The following ANKIB1 variants were observed in gnomAD, a reference collection of about 807,000 sequenced individuals.
ANKIB1 encodes ankyrin repeat and IBR domain containing 1.
Under a neutral mutation model 122.1 loss-of-function variants are expected in ANKIB1, and 43 were observed. That is an observed-to-expected ratio of 0.35 (90% CI 0.28 to 0.45). The LOEUF is 0.45. Among genes scored for constraint, ANKIB1 ranks in the 20% least tolerant of loss-of-function variants. The probability of loss-of-function intolerance (pLI) is 1.00; values close to 1 mark genes in which losing one functional copy is unlikely to be tolerated. For synonymous variants in ANKIB1, 390 were observed against 442.0 expected (o/e 0.88, Z 1.48); for missense variants, 992 against 1,329.5 (o/e 0.75, Z 3.95).
intron 3 of ANKIB1, among the ~76,000 whole-genome samples, chr7:92,312,118 T>A (rs1269551939): frequency 6.6e-6 from 1 of 152,100 alleles, no homozygotes; most frequent in African/African-American, 2.4e-5. Flanking sequence ...CATGGCAGAG[T>A]AGACCTCTGT....
chr7:92,281,150 A>G (rs950924520), intron 1 of ANKIB1, among the ~76,000 whole-genome samples: 3 of 152,240 alleles, frequency 2.0e-5, no homozygotes, highest in African/African-American at 4.8e-5. Context: ...TGTAATTTAC[A>G]TAATTTATCC....
intron 1 of ANKIB1, among the ~76,000 whole-genome samples, chr7:92,282,586 C>G (rs2131903768): frequency 6.6e-6 from 1 of 152,266 alleles, no homozygotes; most frequent in Non-Finnish European, 1.5e-5. Context: ...ATTATGAAAG[C>G]CAACACTGAA....
chr7:92,268,852 A>T (rs1410891769), intron 1 of ANKIB1, among the ~76,000 whole-genome samples: 1 of 152,148 alleles, frequency 6.6e-6, no homozygotes, highest in Non-Finnish European at 1.5e-5. Flanking sequence ...CTTGCATCTC[A>T]TCTAGCTGTA....
intron 4 of ANKIB1, among the ~76,000 whole-genome samples, chr7:92,325,060 T>G (rs933334218): frequency 6.6e-6 from 1 of 152,184 alleles, no homozygotes; most frequent in Admixed American, 6.5e-5. Context: ...GTGTGTTCAA[T>G]GTATTTAAAC....
intron 1 of ANKIB1, among the ~76,000 whole-genome samples, chr7:92,269,802 TA>T (rs78481257): frequency 1.1e-4 from 16 of 151,280 alleles, no homozygotes; most frequent in South Asian, 2.1e-4. Flanking sequence ...TTTTTTTTTT[TA>T]AAAAAAATTA....
At chr7:92,335,363 T>C (rs1208342873) in intron 5 of ANKIB1, among the ~76,000 whole-genome samples, 1 of 151,988 alleles carries the variant, frequency 6.6e-6, no homozygotes, top group Non-Finnish European at 1.5e-5. Flanking sequence ...TGTGAAGTTG[T>C]TCATCATAGT....
chr7:92,372,584 A>G (rs995692049), intron 11 of ANKIB1, among the ~76,000 whole-genome samples: 1 of 152,216 alleles, frequency 6.6e-6, no homozygotes, highest in Admixed American at 6.5e-5. Flanking sequence ...TATATTGAAA[A>G]TGAAAATGCC....
chr7:92,315,165 A>G (rs1443804484), intron 3 of ANKIB1, among the ~76,000 whole-genome samples: 1 of 152,230 alleles, frequency 6.6e-6, no homozygotes, highest in East Asian at 1.9e-4. Flanking sequence ...TAAGATGGGC[A>G]TGATTTTGAG....
intron 1 of ANKIB1, among the ~76,000 whole-genome samples, chr7:92,247,594 A>C (rs976977749): frequency 6.6e-6 from 1 of 152,140 alleles, no homozygotes; most frequent in Admixed American, 6.5e-5. Context: ...GTTTTTTCTC[A>C]TTAGAATTTG....
chr7:92,380,982 C>G (rs1263973282), intron 11 of ANKIB1, among the ~76,000 whole-genome samples: 1 of 152,068 alleles, frequency 6.6e-6, no homozygotes, highest in Non-Finnish European at 1.5e-5. Flanking sequence ...AAGTTCGAAC[C>G]CATCACAAGG....
At chr7:92,324,686 T>C (rs1327446493) in intron 4 of ANKIB1, among the ~76,000 whole-genome samples, 2 of 152,268 alleles carry the variant, frequency 1.3e-5, no homozygotes, top group East Asian at 1.9e-4. Flanking sequence ...TTAACTACTT[T>C]TAAAAATTTA....
At position 92,363,396 on chromosome 7, in the gene ANKIB1, C is replaced by T. The variant is rs562516183; in HGVS notation, c.1486+1123C>T. Among the ~76,000 whole-genome samples, 667 of 151,824 alleles carry T rather than the reference C, an allele frequency of 4.4e-3. 1 individual carries two copies. The highest frequency in any genetic ancestry group is 7.7e-3 in the Non-Finnish European group (520 of 67,930). On this transcript the variant is annotated intron_variant, in intron 10 of 19. Transcript: ENST00000265742. ...ACTGCACTCCAGCCTTGTGACAGAG[C>T]GAGACTCCGTCTCAAAAAAAGAAAA...
intron 1 of ANKIB1, among the ~76,000 whole-genome samples, chr7:92,287,633 G>C (rs1017046158): frequency 6.6e-6 from 1 of 151,882 alleles, no homozygotes; most frequent in South Asian, 2.1e-4. Context: ...GATGCTTTGC[G>C]TCCATGCAAA....
intron 3 of ANKIB1, 52 bp from the exon 4 acceptor site, chr7:92,319,255 TTAATGTTTTAAAAATAGCATGAA>T (rs977303341): frequency 1.1e-6 from 1 of 902,612 alleles, no homozygotes; most frequent in Non-Finnish European, 1.6e-6. Context: ...TATTATATTT[TTAATGTTTTAAAAATAGCATGAA>T]ATAACTTATT....
chr7:92,363,282 G>T (rs191721401), intron 10 of ANKIB1, among the ~76,000 whole-genome samples: 1 of 152,000 alleles, frequency 6.6e-6, no homozygotes, highest in Admixed American at 6.5e-5. Context: ...GTGGTGGCAC[G>T]TGCCTGTAGT....
intron 4 of ANKIB1, among the ~76,000 whole-genome samples, chr7:92,321,538 A>G (rs536605419): frequency 1.3e-5 from 2 of 152,334 alleles, no homozygotes; most frequent in East Asian, 1.9e-4. Context: ...TTGAAACACT[A>G]CTTGCACAAA....
At chr7:92,356,128 A>G (rs1233667458) in intron 9 of ANKIB1, among the ~76,000 whole-genome samples, 1 of 152,184 alleles carries the variant, frequency 6.6e-6, no homozygotes, top group Non-Finnish European at 1.5e-5. Context: ...AACATTCACA[A>G]TAAGGGTTTT....
intron 1 of ANKIB1, among the ~76,000 whole-genome samples, chr7:92,273,505 G>A (rs988840614): frequency 6.6e-6 from 1 of 152,154 alleles, no homozygotes; most frequent in Non-Finnish European, 1.5e-5. Context: ...TGTGCCTCAC[G>A]ACCAAGATTG....
chr7:92,293,639 T>G (rs1802294116), intron 1 of ANKIB1, among the ~76,000 whole-genome samples: 1 of 152,222 alleles, frequency 6.6e-6, no homozygotes, highest in African/African-American at 2.4e-5. Context: ...ATGAAATAAT[T>G]ATATCATTGC....
Sources: gnomAD v4.1 joint callset for allele counts (sites outside exome capture counted in the v4.1 genomes callset) on GRCh38, gnomAD v4.1.1 for gene constraint, MANE v1.5 for transcripts, NCBI Gene and HGNC (gene_info 2026-07-23, HGNC 2026-07-21) for gene names.